The following FRYL variants were observed in gnomAD, a reference collection of about 807,000 sequenced individuals.
FRYL encodes FRY like transcription coactivator.
A neutral mutation model predicts 351.2 loss-of-function variants in FRYL; 150 were observed. The ratio of observed to expected loss-of-function variants is 0.43; its 90% confidence interval spans 0.37 to 0.49. The LOEUF is 0.49. Among genes scored for constraint, FRYL ranks in the 20% least tolerant of loss-of-function variants. The pLI, the probability that FRYL is intolerant of heterozygous loss-of-function variation, is 0.00. For synonymous variants in FRYL, 1,153 were observed against 1,257.1 expected (o/e 0.92, Z 1.75); for missense variants, 3,036 against 3,619.3 (o/e 0.84, Z 4.13).
At chr4:48,713,118 C>CA (rs1266288782) in intron 1 of FRYL, among the ~76,000 whole-genome samples, 1 of 151,948 alleles carries the variant, frequency 6.6e-6, no homozygotes, top group Non-Finnish European at 1.5e-5. Context: ...CCAGCCGCTG[C>CA]AAAATCATGC....
At chr4:48,701,123 A>T (rs1404142172) in intron 2 of FRYL, among the ~76,000 whole-genome samples, 1 of 152,214 alleles carries the variant, frequency 6.6e-6, no homozygotes, top group Non-Finnish European at 1.5e-5. Flanking sequence ...TTGACTTTTA[A>T]ATGGGTTTAA....
chr4:48,771,156 A>G (rs1389492281), intron 1 of FRYL, among the ~76,000 whole-genome samples: 4 of 152,212 alleles, frequency 2.6e-5, no homozygotes, highest in Non-Finnish European at 5.9e-5. Flanking sequence ...TGAAACAATG[A>G]AAAAATGCAT....
chr4:48,537,221 T>A (rs1212918842), intron 47 of FRYL, among the ~76,000 whole-genome samples: 4 of 152,212 alleles, frequency 2.6e-5, no homozygotes, highest in Admixed American at 6.5e-5. Flanking sequence ...TAAATAATTT[T>A]TTTAAGGAAT....
chr4:48,774,562 T>TTG (rs1248075342), intron 1 of FRYL, among the ~76,000 whole-genome samples: 1 of 151,868 alleles, frequency 6.6e-6, no homozygotes, highest in African/African-American at 2.4e-5. Flanking sequence ...TTTTTTTTTT[T>TTG]GGAGAAGGAA....
chr4:48,611,179 A>T (rs565805263), intron 7 of FRYL, among the ~76,000 whole-genome samples: 39 of 152,232 alleles, frequency 2.6e-4, no homozygotes, highest in African/African-American at 9.4e-4. Context: ...TTTGCATATA[A>T]CACTACATAC....
chr4:48,722,235 T>TGGG (rs1170929055), intron 1 of FRYL, among the ~76,000 whole-genome samples: 2 of 152,204 alleles, frequency 1.3e-5, no homozygotes, highest in Non-Finnish European at 2.9e-5. Context: ...AAGCAGATAC[T>TGGG]AAGTTGTGAT....
chr4:48,581,564 T>C lies in FRYL; in HGVS notation c.2028A>G (p.Glu676=). 1.2e-5 allele frequency: 19 copies of C among 1,613,264 alleles called. No homozygotes were observed. The highest frequency in any genetic ancestry group is 1.6e-5 in the Non-Finnish European group (19 of 1,179,620). ...ANGASHPPPL[E]RSPYSNVFHV... ...GGAATACATTGGAATATGGGCTCCT[T>C]TCCAGAGGAGGGGGATGAGAAGCTC... The change falls in exon 21 of 64, where the codon GAA becomes GAG. Residue 676 remains glutamate, a synonymous_variant. Coordinates refer to ENST00000358350, the MANE Select transcript of FRYL (RefSeq NM_015030.2).
Position 48,521,190 on chromosome 4 carries a change from T to A in FRYL, c.7547A>T (p.Glu2516Val). Residue 2516 changes from glutamate (E) to valine (V), a missense_variant, in exon 55 of 64, where the codon GAA (glutamate) becomes GTA (valine). Transcript: ENST00000358350. The stretch of plus-strand genomic sequence containing the variant: ...TAAGTCAGGATGGTCTGGTATTGTT[T>A]CATCAGTGGCAGAATCACTGTTTAA... ...QMLNSDSATD[E>V]TIPDHPDLLL... 6.2e-7 allele frequency: 1 copy of A among 1,609,742 alleles called. No homozygotes were observed. Among genetic ancestry groups the A allele is most frequent in the Non-Finnish European group, 8.5e-7 (1 of 1,177,574 alleles).
intron 35 of FRYL, among the ~76,000 whole-genome samples, chr4:48,553,874 G>C (rs1274981619): frequency 6.6e-6 from 1 of 152,052 alleles, no homozygotes; most frequent in Non-Finnish European, 1.5e-5. Flanking sequence ...CAACTACATT[G>C]CCTGGTTTGG....
intron 1 of FRYL, among the ~76,000 whole-genome samples, chr4:48,752,981 T>C (rs1276003518): frequency 6.6e-6 from 1 of 151,408 alleles, no homozygotes; most frequent in Non-Finnish European, 1.5e-5. Flanking sequence ...ACAACTGAAA[T>C]GATTAGGTGG....
intron 25 of FRYL, among the ~76,000 whole-genome samples, chr4:48,574,157 G>A (rs1739005789): frequency 6.6e-6 from 1 of 151,990 alleles, no homozygotes; most frequent in Non-Finnish European, 1.5e-5. Context: ...AATTGAAAAT[G>A]TGCTTATTTT....
chr4:48,567,179 C>G lies in FRYL; in HGVS notation c.3169+69G>C. The G allele has an allele frequency of 1.5e-6, 2 of 1,310,656 alleles. No individual in the cohort carries two copies. Among genetic ancestry groups the G allele is most frequent in the Non-Finnish European group, 2.1e-6 (2 of 951,078 alleles). 81.2% of individuals were successfully genotyped at this position (1,310,656 alleles called of 1,614,324 possible). On this transcript the variant is annotated intron_variant, in intron 28 of 63. Coordinates refer to ENST00000358350, the MANE Select transcript of FRYL (RefSeq NM_015030.2). This position sits in a 1 kb window ranked among gnomAD's most constrained non-coding sequence, Gnocchi z 4.2. ...TACTTTATCAACTTAGATTATTAAACCTCAAGGAAAGAAAAAATATGACGG... is the reference window on the plus strand; with the variant it reads ...TACTTTATCAACTTAGATTATTAAAGCTCAAGGAAAGAAAAAATATGACGG...
chr4:48,734,917 C>T (rs559512326), intron 1 of FRYL, among the ~76,000 whole-genome samples: 3 of 152,108 alleles, frequency 2.0e-5, no homozygotes, highest in Non-Finnish European at 2.9e-5. Flanking sequence ...TGGGCAAGGA[C>T]TTCATGTCCA....
Position 48,691,479 on chromosome 4 carries a change from C to A in FRYL, c.-203-6684G>T, listed in dbSNP as rs375798384. Among the ~76,000 whole-genome samples, 13 of 152,184 alleles carry A rather than the reference C, an allele frequency of 8.5e-5. No individual in the cohort carries two copies. The East Asian group carries it at 2.1e-3, about 25-fold the overall frequency. ...AAAAAATACATTTGGAAGCCAAGAA[C>A]ACACCTAGAAGGATACACTCAAATT... is the stretch of plus-strand genomic sequence containing the variant. On this transcript the variant is annotated intron_variant, in intron 2 of 63. Coordinates refer to ENST00000358350, the MANE Select transcript of FRYL (RefSeq NM_015030.2).
intron 1 of FRYL, among the ~76,000 whole-genome samples, chr4:48,778,708 T>C (rs1423571926): frequency 6.6e-6 from 1 of 152,240 alleles, no homozygotes; most frequent in Non-Finnish European, 1.5e-5. Context: ...TTATCAATAG[T>C]AAAAGCTGTT....
At chr4:48,614,615 G>A (rs2149298436) in intron 7 of FRYL, among the ~76,000 whole-genome samples, 1 of 145,548 alleles carries the variant, frequency 6.9e-6, no homozygotes, top group African/African-American at 2.5e-5. Flanking sequence ...TCAGCTTCTC[G>A]GGAGGCTGAG....
rs1718751701 is a variant in FRYL at position 48,497,840 on chromosome 4, C to T, written c.*1582G>A. On this transcript the variant is annotated 3_prime_UTR_variant, in exon 64 of 64. Transcript: ENST00000358350. The stretch of plus-strand genomic sequence containing the variant: ...TTTACTGGAAATGTTTAACTGTGGT[C>T]AGCAGTCCAATGGTGTGCACAGTGC... The T allele has an allele frequency of 2.0e-5, 3 of 152,714 alleles. No homozygotes were observed. In the South Asian group the frequency reaches 6.2e-4, roughly 32 times the overall value. 9.5% of individuals were successfully genotyped at this position (152,714 alleles called of 1,614,324 possible).
At chr4:48,742,139 T>C (rs929776440) in intron 1 of FRYL, among the ~76,000 whole-genome samples, 4 of 152,250 alleles carry the variant, frequency 2.6e-5, no homozygotes, top group African/African-American at 9.6e-5. Context: ...GAAGTCTCTG[T>C]ACCCTCCTCT....
At chr4:48,523,976 A>G (rs186874940) in intron 53 of FRYL, among the ~76,000 whole-genome samples, 85 of 152,304 alleles carry the variant, frequency 5.6e-4, no homozygotes, top group Non-Finnish European at 1.0e-3. Flanking sequence ...AGGAAATATG[A>G]CAAATTTCAA....
Sources: allele counts gnomAD v4.1 joint callset (sites outside exome capture counted in the v4.1 genomes callset), GRCh38; gene constraint gnomAD v4.1.1; non-coding constraint Gnocchi (gnomAD v3.1); transcripts MANE v1.5; gene names NCBI Gene and HGNC (gene_info 2026-07-23, HGNC 2026-07-21).